SUSD6: variants seen among roughly 807,000 people sequenced by gnomAD.
SUSD6 encodes the protein sushi domain containing 6.
SUSD6 carries 16 observed loss-of-function variants against 28.4 expected under a neutral mutation model. That is an observed-to-expected ratio of 0.56 (90% CI 0.38 to 0.86). SUSD6 has a LOEUF of 0.86. SUSD6 is among the 40% of genes least tolerant of loss of function. The pLI, the probability that SUSD6 is intolerant of heterozygous loss-of-function variation, is 0.00. For synonymous variants in SUSD6, 147 were observed against 159.6 expected (o/e 0.92, Z 0.59); for missense variants, 341 against 384.2 (o/e 0.89, Z 0.94).
In SUSD6 at chr14:69,713,489, C is replaced by A. The variant is rs1019889519; in HGVS notation, c.*2510C>A. ...CTGAAGTCTGTGACAGCTTCTTCCT[C>A]CAGTTATGTCTTTCTTCCAAAGCAA... On this transcript the variant is annotated 3_prime_UTR_variant, in exon 6 of 6. Coordinates refer to ENST00000342745, the MANE Select transcript of SUSD6 (RefSeq NM_014734.4). 1 of 152,332 alleles carries A rather than the reference C, an allele frequency of 6.6e-6. No homozygotes were observed. The highest frequency in any genetic ancestry group is 1.5e-5 in the Non-Finnish European group (1 of 68,122). 9.4% of individuals were successfully genotyped at this position (152,332 alleles called of 1,614,324 possible). A position where few individuals can be genotyped will look rare whatever the true frequency, so the allele number is the denominator to read the frequency against.
chr14:69,654,228 G>A (rs1229822288), intron 1 of SUSD6, among the ~76,000 whole-genome samples: 3 of 152,092 alleles, frequency 2.0e-5, no homozygotes, highest in Admixed American at 2.0e-4. Flanking sequence ...TTTCCATACC[G>A]GCTCCTCCCC....
At chr14:69,703,687 T>C in intron 3 of SUSD6, 95 bp downstream of exon 3, 3 of 1,169,792 alleles carry the variant, frequency 2.6e-6, no homozygotes, top group Non-Finnish European at 3.7e-6. Flanking sequence ...CACTCTTTGC[T>C]GTGGTGCAGC....
In SUSD6 at chr14:69,715,084, A is replaced by G. The variant is rs1310489325; in HGVS notation, c.*4105A>G. 6.6e-6 allele frequency: 1 copy of G among 152,124 alleles called. No individual in the cohort carries two copies. The highest frequency in any genetic ancestry group is 1.5e-5 in the Non-Finnish European group (1 of 68,016). The allele number at this position is 152,124 out of a possible 1,614,324, so 9.4% of individuals were successfully genotyped here. On this transcript the variant is annotated 3_prime_UTR_variant, in exon 6 of 6. Transcript: ENST00000342745. ...TTTGTACAAAGTTTAATTTAATTTTAATTGTTCTATGTATATAACTGCATT... is the reference window on the plus strand; with the variant it reads ...TTTGTACAAAGTTTAATTTAATTTTGATTGTTCTATGTATATAACTGCATT...
At chr14:69,705,352 G>T (rs1886373547) in intron 4 of SUSD6, among the ~76,000 whole-genome samples, 1 of 151,298 alleles carries the variant, frequency 6.6e-6, no homozygotes, top group Non-Finnish European at 1.5e-5. Context: ...ACGGAAATCT[G>T]TTCAATTCCA....
chr14:69,696,728 ACTAC>A (rs1886229936), intron 2 of SUSD6, among the ~76,000 whole-genome samples: 1 of 152,162 alleles, frequency 6.6e-6, no homozygotes, highest in East Asian at 1.9e-4. Flanking sequence ...TACAATAGCC[ACTAC>A]TAGGTGGCTG....
rs376306418 is a variant in SUSD6, at chr14:69,658,670, G to T, written c.78G>T (p.Pro26=). ...CCGTGGGACATGGAGTGTTCCTTCCGCTAGTGATCCTTTGCACCCTGCTTG... is the reference window on the plus strand; with the variant it reads ...CCGTGGGACATGGAGTGTTCCTTCCTCTAGTGATCCTTTGCACCCTGCTTG... ...VASVGHGVFL[P]LVILCTLLGD... The change falls in exon 2 of 6, where the codon CCG becomes CCT. Residue 26 remains proline (P), a synonymous_variant. Coordinates refer to ENST00000342745, the MANE Select transcript of SUSD6 (RefSeq NM_014734.4). The T allele has an allele frequency of 2.5e-6, 4 of 1,613,942 alleles. No individual in the cohort carries two copies. The highest frequency in any genetic ancestry group is 1.7e-5 in the Admixed American group (1 of 60,000).
chr14:69,644,184 A>G (rs753372942), intron 1 of SUSD6, among the ~76,000 whole-genome samples: 2 of 152,166 alleles, frequency 1.3e-5, no homozygotes, highest in Non-Finnish European at 2.9e-5. Context: ...TGCCCAATGT[A>G]TGTGTTGAAT....
At chr14:69,704,854 T>A in intron 4 of SUSD6, 112 bp downstream of exon 4, 1 of 1,181,390 alleles carries the variant, frequency 8.5e-7, no homozygotes, top group South Asian at 1.4e-5. Context: ...TCTGTGTGTG[T>A]CCAGGGAGTG....
intron 1 of SUSD6, among the ~76,000 whole-genome samples, chr14:69,620,885 AAG>A (rs1491420461): frequency 1.3e-5 from 2 of 152,218 alleles, no homozygotes; most frequent in Non-Finnish European, 2.9e-5. Context: ...GAAGGGGAAT[AAG>A]AGGATCAGTG....
chr14:69,665,218 T>G (rs1187204509), intron 2 of SUSD6, among the ~76,000 whole-genome samples: 3 of 152,196 alleles, frequency 2.0e-5, no homozygotes, highest in African/African-American at 7.2e-5. Flanking sequence ...AAAATCCGAA[T>G]TCACTGAAAG....
chr14:69,641,773 T>C (rs1051252446), intron 1 of SUSD6, among the ~76,000 whole-genome samples: 8 of 150,256 alleles, frequency 5.3e-5, no homozygotes, highest in Non-Finnish European at 1.0e-4. Context: ...AAAAATTTTT[T>C]TTTTTTTGTA....
chr14:69,692,616 A>G (rs1245125385), intron 2 of SUSD6, among the ~76,000 whole-genome samples: 1 of 152,210 alleles, frequency 6.6e-6, no homozygotes, highest in Non-Finnish European at 1.5e-5. Flanking sequence ...TCCTTTTGGC[A>G]ACAGAGATCA....
At chr14:69,646,730 A>G (rs370019207) in intron 1 of SUSD6, among the ~76,000 whole-genome samples, 8 of 94,316 alleles carry the variant, frequency 8.5e-5, no homozygotes, top group African/African-American at 2.4e-4. Flanking sequence ...GAGACAGGGT[A>G]TCACTCTGTC....
chr14:69,654,004 C>T (rs1223572812), intron 1 of SUSD6, among the ~76,000 whole-genome samples: 1 of 152,152 alleles, frequency 6.6e-6, no homozygotes, highest in Non-Finnish European at 1.5e-5. Context: ...TGACTACCTT[C>T]TATTTATCTT....
chr14:69,701,277 A>T (rs191461441), intron 2 of SUSD6, among the ~76,000 whole-genome samples: 41 of 151,144 alleles, frequency 2.7e-4, no homozygotes, highest in African/African-American at 9.7e-4. Flanking sequence ...TTCTGTGGAG[A>T]TGTGGGTTTT....
At chr14:69,634,351 G>T (rs1885234042) in intron 1 of SUSD6, among the ~76,000 whole-genome samples, 1 of 152,194 alleles carries the variant, frequency 6.6e-6, no homozygotes, top group Non-Finnish European at 1.5e-5. Context: ...TTGGGGATTT[G>T]AATGTATTTT....
At chr14:69,620,157 T>G (rs34686932) in intron 1 of SUSD6, among the ~76,000 whole-genome samples, 13,189 of 152,244 alleles carry the variant, frequency 0.087, 771 homozygotes, top group East Asian at 0.13. Flanking sequence ...TGCCTCCAGG[T>G]AGAAACTCTG....
chr14:69,686,136 C>G (rs1288950905), intron 2 of SUSD6, among the ~76,000 whole-genome samples: 1 of 152,092 alleles, frequency 6.6e-6, no homozygotes, highest in Non-Finnish European at 1.5e-5. Context: ...AATGAATGTG[C>G]CAGAAGTAAG....
At chr14:69,618,941 T>G (rs925198769) in intron 1 of SUSD6, among the ~76,000 whole-genome samples, 1 of 152,170 alleles carries the variant, frequency 6.6e-6, no homozygotes, top group Non-Finnish European at 1.5e-5. Flanking sequence ...TCATGAAATG[T>G]TAGAGTTGGA....
Sources: allele counts gnomAD v4.1 joint callset (sites outside exome capture counted in the v4.1 genomes callset), GRCh38; gene constraint gnomAD v4.1.1; transcripts MANE v1.5; gene names NCBI Gene and HGNC (gene_info 2026-07-23, HGNC 2026-07-21).